The following TG variants were observed in gnomAD, a reference collection of about 807,000 sequenced individuals.
The protein encoded by TG is thyroglobulin, also known as thyroid hormones.
Under a neutral mutation model 324.7 loss-of-function variants are expected in TG, and 270 were observed. That is an observed-to-expected ratio of 0.83 (90% CI 0.75 to 0.92). The LOEUF (loss-of-function observed/expected upper bound fraction) is 0.92, where lower values mean the gene tolerates loss of function less well. TG is among the 40% of genes least tolerant of loss of function. The pLI is 0.00. For synonymous variants in TG, 1,401 were observed against 1,327.0 expected, an observed-to-expected ratio of 1.06 and a Z score of -1.21; for missense variants, 3,591 against 3,456.4, an observed-to-expected ratio of 1.04 and a Z score of -0.98.
chr8:132,873,606 G>A (rs72727403), intron 5 of TG, among the ~76,000 whole-genome samples: 263 of 152,250 alleles, frequency 1.7e-3, no homozygotes, highest in Non-Finnish European at 2.3e-3. Flanking sequence ...AAAAGACTGC[G>A]TTAGAGCTGC....
In TG at chr8:132,906,908, G is replaced by T; in HGVS notation, c.3847+8G>T. On this transcript the variant is annotated splice_region_variant and intron_variant, in intron 17 of 47. Coordinates refer to ENST00000220616, the MANE Select transcript of TG (RefSeq NM_003235.5). Reference sequence around the variant, plus strand: ...AGCCCCGGGCCTGCCAACGTGAGTGGCATCAGAGCATCTATCCTGCACCCC... The same window carrying T: ...AGCCCCGGGCCTGCCAACGTGAGTGTCATCAGAGCATCTATCCTGCACCCC... 6.2e-7 allele frequency: 1 copy of T among 1,606,282 alleles called. No homozygotes were observed. The highest frequency in any genetic ancestry group is 8.5e-7 in the Non-Finnish European group (1 of 1,176,540).
At chr8:132,988,246 T>C (rs1419943334) in intron 35 of TG, among the ~76,000 whole-genome samples, 2 of 152,072 alleles carry the variant, frequency 1.3e-5, no homozygotes, top group East Asian at 3.9e-4. Context: ...GCACCACAAA[T>C]ATATTATGAC....
intron 14 of TG, 43 bp downstream of exon 14, chr8:132,898,953 C>T (rs367610942): frequency 8.4e-5 from 126 of 1,507,904 alleles, no homozygotes; most frequent in Middle Eastern, 1.7e-4. Context: ...GACTTGTCCC[C>T]GCTGGTCAGA....
intron 41 of TG, chr8:133,050,889 G>C (rs1840273781): frequency 6.2e-7 from 1 of 1,613,560 alleles, no homozygotes; most frequent in Non-Finnish European, 8.5e-7. Flanking sequence ...TAGTCACTTA[G>C]CACGGCAAGG....
At chr8:132,913,396 AG>A in intron 20 of TG, 131 bp downstream of exon 20, 1 of 945,180 alleles carries the variant, frequency 1.1e-6, no homozygotes, top group Non-Finnish European at 1.7e-6. Flanking sequence ...AACGAGCAAA[AG>A]TTTTCAATCA....
intron 41 of TG, among the ~76,000 whole-genome samples, chr8:133,039,246 C>T (rs1837698599): frequency 1.3e-5 from 2 of 152,174 alleles, no homozygotes; most frequent in Admixed American, 1.3e-4. Flanking sequence ...TTATTCTAAC[C>T]CATTATTTTA....
chr8:132,958,353 A>ATCTG (rs756893794), intron 27 of TG, among the ~76,000 whole-genome samples: 3 of 97,320 alleles, frequency 3.1e-5, no homozygotes, highest in Non-Finnish European at 6.2e-5. Context: ...CTATCTATCT[A>ATCTG]TCTGTCTATC....
In TG at chr8:132,928,321, G is replaced by A. The variant is rs181741709; in HGVS notation, c.4700-755G>A. 2.9e-3 allele frequency among the ~76,000 whole-genome samples: 438 copies of A among 152,314 alleles called. 3 individuals carry two copies. The highest frequency in any genetic ancestry group is 0.01 in the African/African-American group (423 of 41,574). On this transcript the variant is annotated intron_variant, in intron 22 of 47. Transcript: ENST00000220616. The stretch of plus-strand genomic sequence containing the variant: ...CATGTGCCTTTGAGGTTGTACATAA[G>A]TTTTTCTTTTTGACAGTTACCCGTA...
chr8:133,023,280 T>C (rs1036188669), intron 40 of TG, among the ~76,000 whole-genome samples: 28 of 151,958 alleles, frequency 1.8e-4, no homozygotes, highest in Non-Finnish European at 3.2e-4. Flanking sequence ...CAGATGTCTA[T>C]GTAGATGAGG....
In TG at chr8:133,013,739, G is replaced by A. The variant is rs746164002; in HGVS notation, c.6537G>A (p.Glu2179=). The stretch of plus-strand genomic sequence containing the variant: ...ACTGCCGACTTCTGCTTCGTGAAGA[G>A]GCCACCCACATCTACCGGAAGCCAG... ...GQNCRLLLRE[E]ATHIYRKPGI... Residue 2179 remains glutamate, a synonymous_variant, in exon 37 of 48, where the codon GAG becomes GAA. Coordinates refer to ENST00000220616, the MANE Select transcript of TG (RefSeq NM_003235.5). 1.1e-5 allele frequency: 18 copies of A among 1,612,294 alleles called. No individual in the cohort carries two copies. Among genetic ancestry groups the A allele is most frequent in the Non-Finnish European group, 1.5e-5 (18 of 1,179,996 alleles).
chr8:132,947,925 G>A (rs1332381107), intron 26 of TG, among the ~76,000 whole-genome samples: 1 of 152,168 alleles, frequency 6.6e-6, no homozygotes, highest in Non-Finnish European at 1.5e-5. Flanking sequence ...CGATTACCTT[G>A]GGAGTAGGTC....
intron 23 of TG, 101 bp from the exon 24 acceptor site, chr8:132,933,459 TG>T: frequency 1.2e-6 from 1 of 822,126 alleles, no homozygotes. Flanking sequence ...TGTGTGTGTG[TG>T]TGTGTTTGGG....
At chr8:132,929,906 T>C (rs79474844) in intron 23 of TG, among the ~76,000 whole-genome samples, 2 of 152,190 alleles carry the variant, frequency 1.3e-5, no homozygotes, top group African/African-American at 4.8e-5. Flanking sequence ...TATATGGGTA[T>C]GTGGTATACT....
rs75704337 is a variant in TG at position 133,106,597 on chromosome 8, G to A, written c.7573-6825G>A. 5.2e-3 allele frequency: 1,698 copies of A among 329,324 alleles called. 38 individuals carry two copies. The highest frequency in any genetic ancestry group is 0.036 in the African/African-American group (1,622 of 44,580). The allele number at this position is 329,324 out of a possible 1,614,324, so 20.4% of individuals were successfully genotyped here. A position where few individuals can be genotyped will look rare whatever the true frequency, so the allele number is the denominator to read the frequency against. ...GCTGCTCCCCCTCACCCAGCTGTCC[G>A]CATGTCTGAACCCTACCCTCTCTTG... On this transcript the variant is annotated intron_variant, in intron 43 of 47. Coordinates refer to ENST00000220616, the MANE Select transcript of TG (RefSeq NM_003235.5).
chr8:132,879,947 A>C (rs1022117153), intron 5 of TG, among the ~76,000 whole-genome samples: 16 of 152,202 alleles, frequency 1.1e-4, no homozygotes, highest in African/African-American at 3.9e-4. Flanking sequence ...GAAGCATGGA[A>C]CTAGAGTGAT....
intron 5 of TG, among the ~76,000 whole-genome samples, chr8:132,874,547 CA>C (rs1160605406): frequency 6.6e-6 from 1 of 152,114 alleles, no homozygotes; most frequent in East Asian, 1.9e-4. Context: ...GGCTGGTTTC[CA>C]AAACAACCAG....
intron 41 of TG, chr8:133,045,127 G>A (rs749173139): frequency 1.2e-6 from 2 of 1,613,916 alleles, no homozygotes; most frequent in Non-Finnish European, 1.7e-6. Flanking sequence ...TGCAGGAGGT[G>A]GAGGATAAGT....
rs775401701 is a variant in TG at position 132,873,062 on chromosome 8, G to C, written c.479G>C (p.Cys160Ser). ...ATTTTTTTTTCGTGAAAATGTTTAGGTCCAAGGAGCTGTGAAATAAGAAAT... is the reference window on the plus strand; with the variant it reads ...ATTTTTTTTTCGTGAAAATGTTTAGCTCCAAGGAGCTGTGAAATAAGAAAT... Reference protein sequence around the residue: ...GTRQLGRPKRCPRSCEIRNRR... With the variant: ...GTRQLGRPKRSPRSCEIRNRR... The change falls in exon 5 of 48, where the codon TGT (cysteine) becomes TCT (serine). Residue 160 changes from cysteine (C) to serine (S), a missense_variant and splice_region_variant. Cys to Ser is a moderately radical substitution (Grantham distance 112). Coordinates refer to ENST00000220616, the MANE Select transcript of TG (RefSeq NM_003235.5). 67 of 1,614,016 alleles carry C rather than the reference G, an allele frequency of 4.2e-5. No homozygotes were observed. The highest frequency in any genetic ancestry group is 5.6e-5 in the Non-Finnish European group (66 of 1,180,028).
chr8:133,118,195 G>A (rs942112156), intron 45 of TG, among the ~76,000 whole-genome samples: 2 of 151,962 alleles, frequency 1.3e-5, no homozygotes, highest in Non-Finnish European at 1.5e-5. Flanking sequence ...CAGTGATTTG[G>A]CCACCTTCCT....
Sources: allele counts gnomAD v4.1 joint callset (sites outside exome capture counted in the v4.1 genomes callset), GRCh38; gene constraint gnomAD v4.1.1; transcripts MANE v1.5; gene names NCBI Gene and HGNC (gene_info 2026-07-23, HGNC 2026-07-21).